RALYL: variants seen among roughly 807,000 people sequenced by gnomAD.
RALYL encodes the protein RALY RNA binding protein like, also known as RNA-binding Raly-like protein.
A neutral mutation model predicts 35.1 loss-of-function variants in RALYL; 29 were observed. The observed-to-expected ratio is 0.83, with a 90% confidence interval of 0.61 to 1.13. RALYL has a LOEUF of 1.13. RALYL is among the 50% of genes most tolerant of loss of function. The pLI, the probability that RALYL is intolerant of heterozygous loss-of-function variation, is 0.00. For missense variants in RALYL, 359 were observed against 360.4 expected (o/e 1.00, Z 0.03); for synonymous variants, 120 against 127.6 (o/e 0.94, Z 0.40).
chr8:84,478,858 G>A (rs1378609797), intron 1 of RALYL, among the ~76,000 whole-genome samples: 2 of 149,212 alleles, frequency 1.3e-5, no homozygotes, highest in African/African-American at 2.4e-5. Flanking sequence ...AGGCGGAGGC[G>A]GGCGGATCAC....
At chr8:84,294,344 G>A (rs1284721043) in intron 1 of RALYL, among the ~76,000 whole-genome samples, 1 of 152,048 alleles carries the variant, frequency 6.6e-6, no homozygotes, top group Non-Finnish European at 1.5e-5. Flanking sequence ...TTTTTAAAAA[G>A]AGGCATGATT....
chr8:84,355,031 CT>C (rs759625533), intron 1 of RALYL, among the ~76,000 whole-genome samples: 1 of 150,332 alleles, frequency 6.7e-6, no homozygotes, highest in African/African-American at 2.5e-5. Flanking sequence ...TAATAATTTA[CT>C]TTGGAAATTA....
intron 7 of RALYL, among the ~76,000 whole-genome samples, chr8:84,877,584 A>G (rs1841420323): frequency 6.6e-6 from 1 of 152,182 alleles, no homozygotes; most frequent in African/African-American, 2.4e-5. Context: ...ACCTTTGAAC[A>G]GAGAGTTGAT....
In RALYL at chr8:84,372,917, C is replaced by CTTTTTTTTTTTTTTTTTTTTTTTTTT; in HGVS notation, c.-23-156377_-23-156376insTTTTTTTTTTTTTTTTTTTTTTTTTT. On this transcript the variant is annotated intron_variant, in intron 1 of 8. Coordinates refer to ENST00000521268, the MANE Select transcript of RALYL (RefSeq NM_173848.7). ...TTTTTTTTTTTTTTTTTTTTTTTTA[C>CTTTTTTTTTTTTTTTTTTTTTTTTTT]TTTTTAATAATATCCATTCTGATTA... 3.5e-3 allele frequency among the ~76,000 whole-genome samples: 170 copies of CTTTTTTTTTTTTTTTTTTTTTTTTTT among 49,026 alleles called. 1 individual carries two copies. Among genetic ancestry groups the CTTTTTTTTTTTTTTTTTTTTTTTTTT allele is most frequent in the Middle Eastern group, 0.012 (1 of 82 alleles). 32.2% of individuals were successfully genotyped at this position (49,026 alleles called of 152,430 possible). A position where few individuals can be genotyped will look rare whatever the true frequency, so the allele number is the denominator to read the frequency against.
At chr8:84,381,029 A>T (rs1325493412) in intron 1 of RALYL, among the ~76,000 whole-genome samples, 1 of 151,700 alleles carries the variant, frequency 6.6e-6, no homozygotes, top group Non-Finnish European at 1.5e-5. Flanking sequence ...CAAAAAGAGG[A>T]CCCCAAACAT....
intron 1 of RALYL, among the ~76,000 whole-genome samples, chr8:84,433,237 CCACCTCAGCCAGTAG>C (rs1379876613): frequency 6.6e-6 from 1 of 152,108 alleles, no homozygotes; most frequent in Non-Finnish European, 1.5e-5. Flanking sequence ...AAGTTTCTTT[CCACCTCAGCCAGTAG>C]CACATTCACT....
intron 2 of RALYL, among the ~76,000 whole-genome samples, chr8:84,647,757 T>A (rs1358996985): frequency 6.6e-6 from 1 of 152,056 alleles, no homozygotes; most frequent in Non-Finnish European, 1.5e-5. Flanking sequence ...AGACACAGTA[T>A]GTTATGGTGA....
intron 2 of RALYL, among the ~76,000 whole-genome samples, chr8:84,574,765 C>A (rs1808914972): frequency 6.6e-6 from 1 of 152,084 alleles, no homozygotes; most frequent in African/African-American, 2.4e-5. Flanking sequence ...ATTTTAGTAA[C>A]TCTGTCATGG....
chr8:84,698,739 G>A (rs912841487), intron 2 of RALYL, among the ~76,000 whole-genome samples: 2 of 152,060 alleles, frequency 1.3e-5, no homozygotes, highest in African/African-American at 4.8e-5. Flanking sequence ...AATCAGCCAG[G>A]AAAAGAGGAA....
chr8:84,303,428 T>C (rs1841192811), intron 1 of RALYL, among the ~76,000 whole-genome samples: 2 of 152,176 alleles, frequency 1.3e-5, no homozygotes, highest in South Asian at 4.1e-4. Context: ...ACTTAAGATA[T>C]ACCTTCCCCT....
chr8:84,244,874 G>T lies in RALYL; in HGVS notation c.-24+60450G>T, dbSNP rs539921371. Among the ~76,000 whole-genome samples, 11 of 152,266 alleles carry T rather than the reference G, an allele frequency of 7.2e-5. No individual in the cohort carries two copies. The South Asian group carries it at 2.1e-3, about 29-fold the overall frequency. ...TGGTGAAGGGTCTGAGATTTTGCCA[G>T]ATATGTAAACTATCATACATGCTGG... On this transcript the variant is annotated intron_variant, in intron 1 of 8. Transcript: ENST00000521268.
intron 1 of RALYL, among the ~76,000 whole-genome samples, chr8:84,358,443 T>TAGG (rs1193927786): frequency 2.0e-5 from 3 of 152,078 alleles, no homozygotes; most frequent in Admixed American, 1.3e-4. Context: ...AATGGCCTAC[T>TAGG]AGGAATACAT....
At chr8:84,840,968 C>A (rs1440181245) in intron 4 of RALYL, among the ~76,000 whole-genome samples, 1 of 152,106 alleles carries the variant, frequency 6.6e-6, no homozygotes. Flanking sequence ...CTGAAGGAAG[C>A]ACTAAACATG....
chr8:84,197,861 G>A (rs565798352), intron 1 of RALYL, among the ~76,000 whole-genome samples: 1 of 149,756 alleles, frequency 6.7e-6, no homozygotes, highest in East Asian at 1.9e-4. Flanking sequence ...TTTTTTGTTT[G>A]TTTGTTTTCT....
intron 1 of RALYL, chr8:84,185,250 T>C (rs1563495019): frequency 3.5e-6 from 2 of 571,412 alleles, no homozygotes; most frequent in Middle Eastern, 3.8e-4. Flanking sequence ...AAAAAATGCC[T>C]TTTATTTAAA....
intron 1 of RALYL, among the ~76,000 whole-genome samples, chr8:84,444,784 G>A (rs954858165): frequency 7.2e-5 from 11 of 152,042 alleles, no homozygotes; most frequent in Admixed American, 2.6e-4. Flanking sequence ...CACTTCAGAA[G>A]GACCCAGTAA....
intron 1 of RALYL, among the ~76,000 whole-genome samples, chr8:84,370,671 G>GT (rs1346724697): frequency 6.6e-6 from 1 of 152,068 alleles, no homozygotes. Context: ...GTAAAGCTAG[G>GT]TGGAAGTGTT....
chr8:84,460,186 T>C (rs2050593839), intron 1 of RALYL, among the ~76,000 whole-genome samples: 1 of 151,720 alleles, frequency 6.6e-6, no homozygotes, highest in Non-Finnish European at 1.5e-5. Flanking sequence ...TTTTAAAATG[T>C]GCAATAACTG....
At chr8:84,449,070 G>GTTTTTTTT (rs1215015705) in intron 1 of RALYL, among the ~76,000 whole-genome samples, 2 of 134,830 alleles carry the variant, frequency 1.5e-5, no homozygotes, top group African/African-American at 2.8e-5. Context: ...TTAGCTGTTA[G>GTTTTTTTT]TTTTTTTGTT....
Sources: gnomAD v4.1 joint callset for allele counts (sites outside exome capture counted in the v4.1 genomes callset) on GRCh38, gnomAD v4.1.1 for gene constraint, MANE v1.5 for transcripts, NCBI Gene and HGNC (gene_info 2026-07-23, HGNC 2026-07-21) for gene names.